PDE10A: variants seen among roughly 807,000 people sequenced by gnomAD.
The protein encoded by PDE10A is cAMP and cAMP-inhibited cGMP 3',5'-cyclic phosphodiesterase 10A.
In PDE10A, 39 loss-of-function variants were observed where a neutral mutation model predicts 97.7. The observed-to-expected ratio is 0.40, with a 90% confidence interval of 0.31 to 0.52. The LOEUF (loss-of-function observed/expected upper bound fraction) is 0.52, where lower values mean the gene tolerates loss of function less well. Ranked by LOEUF, PDE10A falls within the 20% of genes least tolerant of loss-of-function variation. PDE10A has a pLI of 0.56. For synonymous variants in PDE10A, 371 were observed against 376.8 expected, an observed-to-expected ratio of 0.98 and a Z score of 0.18; for missense variants, 731 against 1,047.8, an observed-to-expected ratio of 0.70 and a Z score of 4.17.
intron 1 of PDE10A, among the ~76,000 whole-genome samples, chr6:165,970,465 A>T (rs973457972): frequency 4.6e-5 from 7 of 152,308 alleles, no homozygotes; most frequent in Non-Finnish European, 8.8e-5. Context: ...TTTCTACTGT[A>T]CATGCATGTT....
At chr6:165,940,802 T>C (rs1783493685) in intron 1 of PDE10A, 2 of 152,234 alleles carry the variant, frequency 1.3e-5, no homozygotes, top group Admixed American at 1.3e-4. Context: ...TTGTGGGAAA[T>C]GAACCAATGA....
At chr6:165,455,849 A>C (rs1311811333) in intron 3 of PDE10A, among the ~76,000 whole-genome samples, 1 of 152,174 alleles carries the variant, frequency 6.6e-6, no homozygotes, top group South Asian at 2.1e-4. Flanking sequence ...TAATCTTAAC[A>C]GCCAAAACTT....
chr6:165,851,501 G>T (rs2128474906), intron 1 of PDE10A, among the ~76,000 whole-genome samples: 1 of 152,320 alleles, frequency 6.6e-6, no homozygotes, highest in East Asian at 1.9e-4. Flanking sequence ...AGGGCCAAAG[G>T]TTAACAGGGT....
intron 1 of PDE10A, among the ~76,000 whole-genome samples, chr6:165,953,679 G>A (rs1784043005): frequency 6.6e-6 from 1 of 152,148 alleles, no homozygotes; most frequent in Admixed American, 6.5e-5. Flanking sequence ...CCCGTCCCCG[G>A]CATCCTCTAC....
chr6:165,583,189 G>T lies in PDE10A; in HGVS notation c.866-39621C>A, dbSNP rs559805810. Among the ~76,000 whole-genome samples, 46 of 152,338 alleles carry T rather than the reference G, an allele frequency of 3.0e-4. 1 individual carries two copies. Among genetic ancestry groups the T allele is most frequent in the African/African-American group, 1.0e-3 (42 of 41,566 alleles). On this transcript the variant is annotated intron_variant, in intron 1 of 21. Coordinates refer to ENST00000539869, the MANE Select transcript of PDE10A (RefSeq NM_001385079.1). ...TTCTTACTATCCTCATTTTACAGAA[G>T]AGGAAAGAGGATTAAGAAGTTAGGT...
At chr6:165,480,426 TA>T (rs568355958) in intron 3 of PDE10A, among the ~76,000 whole-genome samples, 10 of 149,602 alleles carry the variant, frequency 6.7e-5, no homozygotes, top group African/African-American at 1.5e-4. Context: ...CATCTCTATT[TA>T]AAAAAAAAAT....
chr6:165,558,507 C>T (rs1282883485), intron 1 of PDE10A, among the ~76,000 whole-genome samples: 1 of 152,038 alleles, frequency 6.6e-6, no homozygotes, highest in African/African-American at 2.4e-5. Context: ...AGACTTGAAA[C>T]AAAGAAAAAT....
intron 12 of PDE10A, among the ~76,000 whole-genome samples, chr6:165,414,261 C>T: frequency 6.6e-6 from 1 of 152,188 alleles, no homozygotes; most frequent in East Asian, 1.9e-4. Flanking sequence ...GAGCTGTGGA[C>T]TTGTGACAAG....
chr6:165,601,176 T>G (rs893041265), intron 1 of PDE10A, among the ~76,000 whole-genome samples: 6 of 152,222 alleles, frequency 3.9e-5, no homozygotes, highest in African/African-American at 1.4e-4. Flanking sequence ...CTTCCTCATT[T>G]TTCCTTTTGC....
rs1401605584 is a variant in PDE10A at position 165,758,514 on chromosome 6, A to AAGAAAGAAGAC, written c.-614-214947_-614-214946insGTCTTCTTTCT. Among the ~76,000 whole-genome samples the AAGAAAGAAGAC allele has an allele frequency of 4.8e-4, 64 of 133,388 alleles. No homozygotes were observed. The East Asian group carries it at 9.2e-3, about 19-fold the overall frequency. 87.5% of individuals were successfully genotyped at this position (133,388 alleles called of 152,430 possible). ...AAAGAAGAAAGAAGAAAGAAGAAAG[A>AAGAAAGAAGAC]AGAAGAAGAAGAAGAAGAGGAAGAG... is the stretch of plus-strand genomic sequence containing the variant. On this transcript the variant is annotated intron_variant, in intron 1 of 19. Coordinates refer to the PDE10A transcript ENST00000366882.
intron 1 of PDE10A, chr6:165,576,521 A>C: frequency 2.6e-6 from 2 of 767,518 alleles, no homozygotes; most frequent in Admixed American, 1.8e-5. Context: ...GATGACTTCT[A>C]TATCTATACC....
At chr6:165,371,814 T>A (rs918209862) in intron 18 of PDE10A, among the ~76,000 whole-genome samples, 2 of 152,128 alleles carry the variant, frequency 1.3e-5, no homozygotes, top group Non-Finnish European at 2.9e-5. Context: ...TGAACATTGA[T>A]GCAAAAATCC....
intron 1 of PDE10A, among the ~76,000 whole-genome samples, chr6:165,855,381 C>T (rs921457837): frequency 1.3e-5 from 2 of 151,530 alleles, no homozygotes; most frequent in Non-Finnish European, 2.9e-5. Context: ...TGAAGGCCGC[C>T]CATGGTCAGG....
chr6:165,449,311 T>C (rs73788394), intron 4 of PDE10A, among the ~76,000 whole-genome samples: 4,364 of 152,300 alleles, frequency 0.029, 203 homozygotes, highest in African/African-American at 0.097. Flanking sequence ...TTTTTTAAGT[T>C]TTTAAAATAC....
chr6:165,930,584 A>G (rs539779122), intron 1 of PDE10A, among the ~76,000 whole-genome samples: 2 of 152,342 alleles, frequency 1.3e-5, no homozygotes, highest in South Asian at 4.1e-4. Flanking sequence ...TTCAAAAGAT[A>G]CTCAGGGTCT....
intron 1 of PDE10A, among the ~76,000 whole-genome samples, chr6:165,839,970 T>TCCA (rs1275193727): frequency 0.016 from 2,293 of 145,964 alleles, no homozygotes; most frequent in East Asian, 0.021. Flanking sequence ...CATCTCTGTC[T>TCCA]TCATCCCCAT....
chr6:165,805,588 T>C (rs1450371785), intron 1 of PDE10A, among the ~76,000 whole-genome samples: 2 of 152,040 alleles, frequency 1.3e-5, no homozygotes, highest in African/African-American at 4.8e-5. Context: ...CTCGGCCTCC[T>C]TCAACTCTAT....
chr6:165,449,355 G>GT (rs1210854778), intron 4 of PDE10A, among the ~76,000 whole-genome samples: 1 of 152,080 alleles, frequency 6.6e-6, no homozygotes, highest in African/African-American at 2.4e-5. Context: ...AATAACCAAA[G>GT]TAAGTATCAA....
intron 1 of PDE10A, among the ~76,000 whole-genome samples, chr6:165,689,635 G>A (rs567598251): frequency 1.3e-5 from 2 of 152,208 alleles, no homozygotes; most frequent in Non-Finnish European, 2.9e-5. Flanking sequence ...CTCACTATGC[G>A]ATGCACCAGT....
Sources: allele counts gnomAD v4.1 joint callset (sites outside exome capture counted in the v4.1 genomes callset), GRCh38; gene constraint gnomAD v4.1.1; transcripts MANE v1.5; gene names NCBI Gene and HGNC (gene_info 2026-07-23, HGNC 2026-07-21).